EYS: variants seen among roughly 807,000 people sequenced by gnomAD.
EYS encodes protein eyes shut homolog.
A neutral mutation model predicts 282.1 loss-of-function variants in EYS; 250 were observed. The ratio of observed to expected loss-of-function variants is 0.89; its 90% CI spans 0.80 to 0.98. The LOEUF is 0.98. Among genes scored for constraint, EYS ranks in the 50% least tolerant of loss-of-function variants. EYS has a pLI of 0.00. For synonymous variants in EYS, 1,355 were observed against 1,282.9 expected, an observed-to-expected ratio of 1.06 and a Z score of -1.20; for missense variants, 4,016 against 3,709.0, an observed-to-expected ratio of 1.08 and a Z score of -2.15.
intron 7 of EYS, among the ~76,000 whole-genome samples, chr6:65,392,320 T>C (rs538666318): frequency 5.3e-5 from 8 of 151,878 alleles, no homozygotes; most frequent in African/African-American, 1.7e-4. Context: ...AATTGACAAA[T>C]GGGATCTAAT....
chr6:64,380,262 A>G (rs550100274), intron 29 of EYS, among the ~76,000 whole-genome samples: 1 of 152,272 alleles, frequency 6.6e-6, no homozygotes, highest in Admixed American at 6.5e-5. Flanking sequence ...AAACAAATGT[A>G]AATGTGTTAA....
At chr6:63,784,401 T>A (rs1469297573) in intron 39 of EYS, among the ~76,000 whole-genome samples, 1 of 152,166 alleles carries the variant, frequency 6.6e-6, no homozygotes, top group Non-Finnish European at 1.5e-5. Context: ...GGTTTTGGAA[T>A]GTCAGGGGTG....
At chr6:63,754,415 T>C (rs1218821338) in intron 41 of EYS, among the ~76,000 whole-genome samples, 1 of 152,078 alleles carries the variant, frequency 6.6e-6, no homozygotes, top group Non-Finnish European at 1.5e-5. Context: ...ATTGTTCAGC[T>C]CCCACTTATG....
chr6:64,510,089 G>T (rs554396675), intron 26 of EYS, among the ~76,000 whole-genome samples: 2 of 152,146 alleles, frequency 1.3e-5, no homozygotes, highest in East Asian at 3.9e-4. Context: ...TTTAAAGGCT[G>T]CTTTAAGAAA....
intron 26 of EYS, among the ~76,000 whole-genome samples, chr6:64,561,953 AGC>A: frequency 6.6e-6 from 1 of 150,760 alleles, no homozygotes; most frequent in African/African-American, 2.4e-5. Flanking sequence ...TCCAATCCTA[AGC>A]AAAAAGAACA....
chr6:64,164,994 G>T (rs956240518), intron 31 of EYS, among the ~76,000 whole-genome samples: 1 of 152,044 alleles, frequency 6.6e-6, no homozygotes, highest in African/African-American at 2.4e-5. Context: ...TGAAATAAAT[G>T]AAACTTAAAT....
chr6:64,455,503 G>A (rs1254515194), intron 26 of EYS, among the ~76,000 whole-genome samples: 1 of 151,976 alleles, frequency 6.6e-6, no homozygotes, highest in Non-Finnish European at 1.5e-5. Flanking sequence ...TGTTACATAG[G>A]TAGACATGTG....
At chr6:64,624,266 A>G (rs1767533046) in intron 23 of EYS, among the ~76,000 whole-genome samples, 1 of 152,182 alleles carries the variant, frequency 6.6e-6, no homozygotes, top group South Asian at 2.1e-4. Flanking sequence ...ACCTACAGCA[A>G]CAAAACTAAT....
intron 22 of EYS, among the ~76,000 whole-genome samples, chr6:64,634,412 G>A (rs1371313267): frequency 2.0e-5 from 3 of 152,174 alleles, no homozygotes; most frequent in Non-Finnish European, 4.4e-5. Flanking sequence ...CAGAACCACT[G>A]ATGAACAAAG....
intron 30 of EYS, among the ~76,000 whole-genome samples, chr6:64,294,645 G>T (rs1307955591): frequency 1.3e-5 from 2 of 152,082 alleles, no homozygotes; most frequent in African/African-American, 2.4e-5. Flanking sequence ...TCATCTGGGG[G>T]TTATTTAAAT....
rs72886735 is a variant in EYS, at chr6:65,355,485, C to G, written c.1300-1868G>C. ...AGTAAACAAATAAGACTTGATTAAC[C>G]TAAAATGCTTCTGCACAGCAAAAGA... On this transcript the variant is annotated intron_variant, in intron 8 of 42. Coordinates refer to ENST00000503581, the MANE Select transcript of EYS (RefSeq NM_001142800.2). Among the ~76,000 whole-genome samples the G allele has an allele frequency of 1.3e-4, 20 of 152,070 alleles. No individual in the cohort carries two copies. In the East Asian group the frequency reaches 3.7e-3, roughly 28 times the overall value.
chr6:64,392,190 C>A (rs894108679), intron 28 of EYS, among the ~76,000 whole-genome samples: 18 of 150,530 alleles, frequency 1.2e-4, no homozygotes, highest in Non-Finnish European at 2.1e-4. Context: ...GACTTTAACA[C>A]CCCACTGTCA....
chr6:64,452,490 C>T (rs941339130), intron 26 of EYS, among the ~76,000 whole-genome samples: 1 of 152,090 alleles, frequency 6.6e-6, no homozygotes, highest in Admixed American at 6.6e-5. Flanking sequence ...GCTTTCTTCA[C>T]AGAATTGGAA....
chr6:64,424,712 C>G (rs1388867253), intron 28 of EYS, among the ~76,000 whole-genome samples: 4 of 152,134 alleles, frequency 2.6e-5, no homozygotes, highest in African/African-American at 9.7e-5. Context: ...ATTTATTAAT[C>G]AACAAGTTAT....
chr6:65,625,417 G>A (rs1766656751), intron 2 of EYS, among the ~76,000 whole-genome samples: 1 of 152,148 alleles, frequency 6.6e-6, no homozygotes, highest in Non-Finnish European at 1.5e-5. Context: ...ACTAATGCAG[G>A]CATAATGGAG....
chr6:63,745,202 C>T (rs1769183141), intron 41 of EYS, among the ~76,000 whole-genome samples: 1 of 152,152 alleles, frequency 6.6e-6, no homozygotes, highest in South Asian at 2.1e-4. Flanking sequence ...CTAGAAATCA[C>T]TTCATATGTA....
intron 14 of EYS, among the ~76,000 whole-genome samples, chr6:64,981,822 A>G (rs1330365667): frequency 2.0e-5 from 3 of 151,398 alleles, no homozygotes; most frequent in Non-Finnish European, 4.4e-5. Flanking sequence ...ATAATTGGAT[A>G]CAAAATGGAG....
intron 5 of EYS, among the ~76,000 whole-genome samples, chr6:65,488,280 A>G (rs529341976): frequency 1.3e-3 from 204 of 152,196 alleles, no homozygotes; most frequent in Middle Eastern, 6.8e-3. Flanking sequence ...TGTCGATTTT[A>G]GATCTCTCCT....
chr6:64,008,017 G>T (rs945703568), intron 33 of EYS, among the ~76,000 whole-genome samples: 1 of 152,004 alleles, frequency 6.6e-6, no homozygotes, highest in Non-Finnish European at 1.5e-5. Context: ...TCAAATTCAG[G>T]TCCTGAATAT....
Sources: allele counts gnomAD v4.1 joint callset (sites outside exome capture counted in the v4.1 genomes callset), GRCh38; gene constraint gnomAD v4.1.1; transcripts MANE v1.5; gene names NCBI Gene and HGNC (gene_info 2026-07-23, HGNC 2026-07-21).